The following HACE1 variants were observed in gnomAD, a reference collection of about 807,000 sequenced individuals.
The protein encoded by HACE1 is E3 ubiquitin-protein ligase HACE1.
A neutral mutation model predicts 118.4 loss-of-function variants in HACE1; 73 were observed. The ratio of observed to expected loss-of-function variants is 0.62; its 90% CI spans 0.51 to 0.75. The LOEUF is 0.75. Among genes scored for constraint, HACE1 ranks in the 30% least tolerant of loss-of-function variants. The pLI, the probability that HACE1 is intolerant of heterozygous loss-of-function variation, is 0.00. For synonymous variants in HACE1, 368 were observed against 374.8 expected, an observed-to-expected ratio of 0.98 and a Z score of 0.21; for missense variants, 749 against 1,102.2, an observed-to-expected ratio of 0.68 and a Z score of 4.54.
chr6:104,785,687 G>C, intron 11 of HACE1: 1 of 179,362 alleles, frequency 5.6e-6, no homozygotes, highest in Non-Finnish European at 1.2e-5. Flanking sequence ...GTATTAATAT[G>C]ATCAATGTCA....
At chr6:104,756,230 G>A (rs1778620247) in intron 19 of HACE1, among the ~76,000 whole-genome samples, 1 of 151,674 alleles carries the variant, frequency 6.6e-6, no homozygotes, top group African/African-American at 2.4e-5. Context: ...GGCCAGCATG[G>A]TGAAACGTCA....
At chr6:104,750,506 A>G (rs1389470406) in intron 19 of HACE1, 34 bp from the exon 20 acceptor site, 1 of 1,599,970 alleles carries the variant, frequency 6.3e-7, no homozygotes, top group South Asian at 1.1e-5. Flanking sequence ...ATGACTTTTC[A>G]AAAACCTTTT....
chr6:104,833,032 C>T lies in HACE1; in HGVS notation c.534+10G>A. 1 of 1,612,578 alleles carries T rather than the reference C, an allele frequency of 6.2e-7. No homozygotes were observed. Among genetic ancestry groups the T allele is most frequent in the South Asian group, 1.1e-5 (1 of 91,046 alleles). ...CACATGCAGCTTAAAGTCCTCATGG[C>T]TCAACTTACCGTCTTGTGACCGTTC... is the stretch of plus-strand genomic sequence containing the variant. On this transcript the variant is annotated intron_variant, in intron 6 of 23. Transcript: ENST00000262903.
chr6:104,851,620 G>A (rs1208642163), intron 2 of HACE1, among the ~76,000 whole-genome samples: 1 of 152,046 alleles, frequency 6.6e-6, no homozygotes, highest in Non-Finnish European at 1.5e-5. Context: ...AAGGGTGTAG[G>A]CCTGGCTGCT....
At chr6:104,796,594 C>A in intron 9 of HACE1, 61 bp downstream of exon 9, 1 of 857,244 alleles carries the variant, frequency 1.2e-6, no homozygotes, top group South Asian at 1.4e-5. Flanking sequence ...TGTAAAATGT[C>A]ATATATGCTG....
intron 7 of HACE1, among the ~76,000 whole-genome samples, chr6:104,804,384 CA>C (rs1457996833): frequency 3.3e-5 from 5 of 152,034 alleles, no homozygotes; most frequent in African/African-American, 1.2e-4. Context: ...CATATGGAAC[CA>C]AAAAAGTGCC....
chr6:104,740,094 A>G (rs1009616982), intron 22 of HACE1, among the ~76,000 whole-genome samples: 14 of 151,454 alleles, frequency 9.2e-5, no homozygotes, highest in African/African-American at 3.2e-4. Context: ...ATGAAGGCAG[A>G]AATAAAGATG....
chr6:104,731,336 T>C (rs540558184), intron 22 of HACE1: 1 of 152,124 alleles, frequency 6.6e-6, no homozygotes, highest in Admixed American at 6.5e-5. Flanking sequence ...TAAAATACTT[T>C]CTTAAAAATA....
intron 7 of HACE1, among the ~76,000 whole-genome samples, chr6:104,808,941 A>G (rs1012663949): frequency 6.6e-6 from 1 of 152,216 alleles, no homozygotes; most frequent in African/African-American, 2.4e-5. Flanking sequence ...TATTTGCTAG[A>G]TTAAAACTAA....
rs1779161124 is a variant in HACE1 at position 104,759,979 on chromosome 6, C to G, written c.2212-9507G>C. Among the ~76,000 whole-genome samples the G allele has an allele frequency of 2.6e-5, 4 of 152,226 alleles. No homozygotes were observed. In the South Asian group the frequency reaches 8.3e-4, roughly 32 times the overall value. On this transcript the variant is annotated intron_variant, in intron 19 of 23. Coordinates refer to ENST00000262903, the MANE Select transcript of HACE1 (RefSeq NM_020771.4). ...ATGGATAAATTCCTAGACACATACACCATCCCAAGACTAAACCAGGAAGCA... is the reference window on the plus strand; with the variant it reads ...ATGGATAAATTCCTAGACACATACAGCATCCCAAGACTAAACCAGGAAGCA...
At chr6:104,767,940 T>C (rs1268160788) in intron 19 of HACE1, among the ~76,000 whole-genome samples, 1 of 152,170 alleles carries the variant, frequency 6.6e-6, no homozygotes, top group East Asian at 1.9e-4. Flanking sequence ...TTATGACTAA[T>C]ATTATAAAAG....
At chr6:104,777,451 T>A (rs1237192732) in intron 14 of HACE1, 134 bp from the exon 15 acceptor site, 1 of 688,632 alleles carries the variant, frequency 1.5e-6, no homozygotes, top group African/African-American at 1.8e-5. Flanking sequence ...AGTTACTGGA[T>A]AATGTTTGAA....
chr6:104,784,604 T>C (rs980911829), intron 12 of HACE1, 119 bp from the exon 13 acceptor site: 4 of 689,928 alleles, frequency 5.8e-6, no homozygotes, highest in Non-Finnish European at 9.8e-6. Context: ...AAGAATTTGG[T>C]TTTGAATCTT....
rs751860051 is a variant in HACE1, at chr6:104,784,073, G to GA, written c.1566+12dup. 1.0e-5 allele frequency: 14 copies of GA among 1,393,682 alleles called. No homozygotes were observed. Among genetic ancestry groups the GA allele is most frequent in the Admixed American group, 1.7e-5 (1 of 59,656 alleles). The allele number at this position is 1,393,682 out of a possible 1,614,324, so 86.3% of individuals were successfully genotyped here. ...TCATTAGATAGAATAAAAAGATGAA[G>GA]AAAAATTTCTACCTGTGCTTTTATG... On this transcript the variant is annotated intron_variant, in intron 14 of 23. Transcript: ENST00000262903.
intron 7 of HACE1, among the ~76,000 whole-genome samples, chr6:104,797,390 C>A (rs988276079): frequency 6.6e-6 from 1 of 151,154 alleles, no homozygotes; most frequent in Non-Finnish European, 1.5e-5. Context: ...GCCTGACCTT[C>A]TTCCTACCAC....
chr6:104,770,135 C>CTCAGTGAACATTGTT (rs1470932112), intron 19 of HACE1, among the ~76,000 whole-genome samples: 2 of 152,038 alleles, frequency 1.3e-5, no homozygotes, highest in Middle Eastern at 3.2e-3. Context: ...TAAAAAATGG[C>CTCAGTGAACATTGTT]TCAGTGAACA....
chr6:104,828,745 T>A (rs1033151058), intron 6 of HACE1, among the ~76,000 whole-genome samples: 4 of 152,168 alleles, frequency 2.6e-5, no homozygotes, highest in Non-Finnish European at 4.4e-5. Flanking sequence ...TGCATCTATA[T>A]GAAATCATAT....
chr6:104,805,038 T>C (rs1267554898), intron 7 of HACE1, among the ~76,000 whole-genome samples: 1 of 152,068 alleles, frequency 6.6e-6, no homozygotes, highest in Non-Finnish European at 1.5e-5. Context: ...CCATCAAAAT[T>C]GGGCAAAGGA....
At chr6:104,776,641 A>G (rs967889621) in intron 17 of HACE1, 100 bp downstream of exon 17, 1 of 785,568 alleles carries the variant, frequency 1.3e-6, no homozygotes, top group African/African-American at 1.7e-5. Flanking sequence ...TATCCCACCT[A>G]GCTCACAGGT....
Sources: allele counts gnomAD v4.1 joint callset (sites outside exome capture counted in the v4.1 genomes callset), GRCh38; gene constraint gnomAD v4.1.1; transcripts MANE v1.5; gene names NCBI Gene and HGNC (gene_info 2026-07-23, HGNC 2026-07-21).